CNTN2: variants seen among roughly 807,000 people sequenced by gnomAD.
CNTN2 encodes the protein contactin 2, also known as contactin-2.
In CNTN2, 53 loss-of-function variants were observed where a neutral mutation model predicts 117.5. The ratio of observed to expected loss-of-function variants is 0.45; its 90% CI spans 0.36 to 0.57. The LOEUF (loss-of-function observed/expected upper bound fraction) is 0.57, where lower values mean the gene tolerates loss of function less well. Ranked by LOEUF, CNTN2 falls within the 20% of genes least tolerant of loss-of-function variation. CNTN2 has a pLI of 0.00. For synonymous variants in CNTN2, 530 were observed against 561.7 expected (o/e 0.94, Z 0.80); for missense variants, 1,106 against 1,404.3 (o/e 0.79, Z 3.39).
In CNTN2 at chr1:205,053,268, A is replaced by G; in HGVS notation, c.70+13A>G. On this transcript the variant is annotated intron_variant, in intron 2 of 22. Transcript: ENST00000331830. ...GTCTCCTCTTCAGGTAAGAGGGCTC[A>G]TCTGGGCTTTGAAGCCTAGCAGGCA... 6.2e-7 allele frequency: 1 copy of G among 1,609,266 alleles called. No individual in the cohort carries two copies. The highest frequency in any genetic ancestry group is 1.3e-5 in the African/African-American group (1 of 74,890).
In CNTN2 at chr1:205,065,878, C is replaced by A; in HGVS notation, c.1785C>A (p.Ser595Arg). 6.3e-7 allele frequency: 1 copy of A among 1,592,654 alleles called. No homozygotes were observed. The highest frequency in any genetic ancestry group is 1.1e-5 in the South Asian group (1 of 90,226). Residue 595 changes from serine to arginine, a missense_variant, in exon 14 of 23, where the codon AGC becomes AGA. Coordinates refer to ENST00000331830, the MANE Select transcript of CNTN2 (RefSeq NM_005076.5). This position sits in a 1 kb window ranked among gnomAD's most constrained non-coding sequence, Gnocchi z 4.1. ...YTCMAQTVVD[S>R]ASKEATVLVR... The stretch of plus-strand genomic sequence containing the variant: ...GCATGGCCCAGACGGTGGTGGACAG[C>A]GCGTCCAAGGAGGCCACAGTCCTGG...
chr1:205,066,631 A>C (rs942343833), intron 15 of CNTN2, 32 bp downstream of exon 15: 1 of 1,609,940 alleles, frequency 6.2e-7, no homozygotes, highest in African/African-American at 1.3e-5. Context: ...GTCAGTGCTG[A>C]TAAGGCTCGA....
chr1:205,050,281 G>GTGTA (rs1229128389), intron 1 of CNTN2, among the ~76,000 whole-genome samples: 116 of 37,050 alleles, frequency 3.1e-3, no homozygotes, highest in African/African-American at 0.021. Context: ...AGCTCTGAGT[G>GTGTA]TGTGTGTGTG....
chr1:205,052,782 C>T (rs192091357), intron 1 of CNTN2, among the ~76,000 whole-genome samples: 1 of 152,170 alleles, frequency 6.6e-6, no homozygotes, highest in Admixed American at 6.5e-5. Context: ...AGCTGACGGG[C>T]GAGACGGCAG....
intron 16 of CNTN2, chr1:205,069,005 TTTTGTTTGTTTG>T (rs55919821): frequency 0.12 from 18,015 of 152,178 alleles, 1,852 homozygotes; most frequent in African/African-American, 0.27. Context: ...AAGTAGTTTG[TTTTGTTTGTTTG>T]TTTGTTTGTT....
At position 205,072,019 on chromosome 1, in the gene CNTN2, G is replaced by A. The variant is rs923123280; in HGVS notation, c.2617G>A (p.Ala873Thr). 2 of 1,614,142 alleles carry A rather than the reference G, an allele frequency of 1.2e-6. No individual in the cohort carries two copies. Among genetic ancestry groups the A allele is most frequent in the Non-Finnish European group, 1.7e-6 (2 of 1,180,018 alleles). The stretch of plus-strand genomic sequence containing the variant: ...GAGGACAGCAGGGCTGGACACCAGT[G>A]CCCGAGTCAGCGGCCTGCATCCCAA... ...RVRTAGLDTS[A>T]RVSGLHPNTK... The change falls in exon 20 of 23, where the codon GCC (alanine) becomes ACC (threonine). Residue 873 changes from alanine to threonine, a missense_variant. Coordinates refer to ENST00000331830, the MANE Select transcript of CNTN2 (RefSeq NM_005076.5).
At position 205,058,654 on chromosome 1, in the gene CNTN2, C is replaced by T; in HGVS notation, c.478C>T (p.His160Tyr). Residue 160 changes from histidine (H) to tyrosine (Y), a missense_variant, in exon 5 of 23, where the codon CAC becomes TAC. Transcript: ENST00000331830. This position sits in a 1 kb window ranked among gnomAD's most constrained non-coding sequence, Gnocchi z 4.3. ...GATGTTGCCCTGTAACCCACCTGCCCACTACCCAGGTGAGTCCAGACCTGG... is the reference window on the plus strand; with the variant it reads ...GATGTTGCCCTGTAACCCACCTGCCTACTACCCAGGTGAGTCCAGACCTGG... ...GVMLPCNPPA[H>Y]YPGLSYRWLL... 1 of 1,613,712 alleles carries T rather than the reference C, an allele frequency of 6.2e-7. No individual in the cohort carries two copies. Among genetic ancestry groups the T allele is most frequent in the Non-Finnish European group, 8.5e-7 (1 of 1,179,808 alleles).
intron 1 of CNTN2, among the ~76,000 whole-genome samples, chr1:205,046,369 T>A (rs1396166134): frequency 6.6e-6 from 1 of 152,172 alleles, no homozygotes; most frequent in Non-Finnish European, 1.5e-5. Flanking sequence ...CCCCAGCCCC[T>A]CACACACACC....
At chr1:205,064,855 G>A in intron 12 of CNTN2, 105 bp downstream of exon 12, 1 of 1,505,522 alleles carries the variant, frequency 6.6e-7, no homozygotes, top group Non-Finnish European at 9.0e-7. Flanking sequence ...TGGTGTCAAG[G>A]CCACCCCAGG....
At chr1:205,049,817 A>G (rs1350026543) in intron 1 of CNTN2, among the ~76,000 whole-genome samples, 2 of 152,162 alleles carry the variant, frequency 1.3e-5, no homozygotes, top group East Asian at 3.9e-4. Context: ...CCTTTGTTTA[A>G]AGGGAACTTC....
chr1:205,074,139 G>A lies in CNTN2; in HGVS notation c.*374G>A, dbSNP rs918526782. The A allele has an allele frequency of 2.0e-6, 1 of 502,478 alleles. No homozygotes were observed. The highest frequency in any genetic ancestry group is 1.9e-5 in the African/African-American group (1 of 52,992). The allele number at this position is 502,478 out of a possible 1,614,324, so 31.1% of individuals were successfully genotyped here. On this transcript the variant is annotated 3_prime_UTR_variant, in exon 23 of 23. Coordinates refer to ENST00000331830, the MANE Select transcript of CNTN2 (RefSeq NM_005076.5). Reference sequence around the variant, plus strand: ...CCTATACGGACTCCGCCACTTGAGAGCAGTCCTAGGCCCGGCAGGAACACC... The same window carrying A: ...CCTATACGGACTCCGCCACTTGAGAACAGTCCTAGGCCCGGCAGGAACACC...
chr1:205,072,322 C>T (rs112971953), intron 20 of CNTN2, 161 bp from the exon 21 acceptor site: 9 of 828,400 alleles, frequency 1.1e-5, no homozygotes, highest in South Asian at 3.5e-5. Flanking sequence ...TCACACTTCT[C>T]CAACCTTTGG....
In CNTN2 at chr1:205,062,013, G is replaced by T; in HGVS notation, c.1110+12G>T. On this transcript the variant is annotated intron_variant, in intron 9 of 22. Transcript: ENST00000331830. Reference sequence around the variant, plus strand: ...CTCTGGCCTCCCAGGTAGGAGACATGGGGCTTCCCCCGACACATCACAACT... The same window carrying T: ...CTCTGGCCTCCCAGGTAGGAGACATTGGGCTTCCCCCGACACATCACAACT... The T allele has an allele frequency of 6.2e-7, 1 of 1,612,260 alleles. No homozygotes were observed. The highest frequency in any genetic ancestry group is 1.1e-5 in the South Asian group (1 of 90,968).
chr1:205,051,756 G>T (rs187700143), intron 1 of CNTN2, among the ~76,000 whole-genome samples: 3 of 152,274 alleles, frequency 2.0e-5, no homozygotes, highest in East Asian at 3.9e-4. Flanking sequence ...GGCAGGAAAA[G>T]GTTGTGGAGT....
At position 205,059,568 on chromosome 1, in the gene CNTN2, AC is replaced by A. The variant is rs780291342; in HGVS notation, c.698-12del. 1.2e-6 allele frequency: 2 copies of A among 1,611,876 alleles called. No individual in the cohort carries two copies. The highest frequency in any genetic ancestry group is 1.7e-6 in the Non-Finnish European group (2 of 1,178,978). Reference sequence around the variant, plus strand: ...GAGTCATCTGCATCTGATTTGTAAAACCCTCTCTCCCCAGATACCCGGCTCT... The same window carrying A: ...GAGTCATCTGCATCTGATTTGTAAAACCTCTCTCCCCAGATACCCGGCTCT... On this transcript the variant is annotated splice_polypyrimidine_tract_variant and intron_variant, in intron 6 of 22. Coordinates refer to ENST00000331830, the MANE Select transcript of CNTN2 (RefSeq NM_005076.5). This position sits in a 1 kb window ranked among gnomAD's most constrained non-coding sequence, Gnocchi z 5.6.
rs1451414377 is a variant in CNTN2, at chr1:205,044,954, T to G, written c.-87+1560T>G. Among the ~76,000 whole-genome samples the G allele has an allele frequency of 2.6e-5, 4 of 152,176 alleles. No individual in the cohort carries two copies. The East Asian group carries it at 7.7e-4, about 29-fold the overall frequency. On this transcript the variant is annotated intron_variant, in intron 1 of 22. Coordinates refer to ENST00000331830, the MANE Select transcript of CNTN2 (RefSeq NM_005076.5). ...GCTGCAGAACCATGGACAGGGCTTT[T>G]GCCACAAGGTCAGAGTCCTTCCTAA...
intron 10 of CNTN2, 79 bp from the exon 11 acceptor site, chr1:205,064,243 G>A: frequency 7.5e-6 from 11 of 1,462,636 alleles, no homozygotes; most frequent in Non-Finnish European, 1.0e-5. Flanking sequence ...CTCATGGCGT[G>A]GCTTCAAAGG....
In CNTN2 at chr1:205,065,315, G is replaced by A. The variant is rs1654223747; in HGVS notation, c.1695+53G>A. The A allele has an allele frequency of 6.3e-7, 1 of 1,599,084 alleles. No homozygotes were observed. Among genetic ancestry groups the A allele is most frequent in the Non-Finnish European group, 8.5e-7 (1 of 1,170,788 alleles). ...CTTCTCCCTCCTTCTAGAGAGACAG[G>A]GGCCCCAAGATGTCCTTAGCCATCC... is the stretch of plus-strand genomic sequence containing the variant. On this transcript the variant is annotated intron_variant, in intron 13 of 22. Coordinates refer to ENST00000331830, the MANE Select transcript of CNTN2 (RefSeq NM_005076.5). The surrounding 1 kb of genome is among the most constrained non-coding windows in gnomAD (Gnocchi z 4.1).
rs1654876623 is a variant in CNTN2, at chr1:205,076,613, C to T, written c.*2848C>T. ...CCACAGCTTAGTGGCCAGTAAACACCCTGGGGACTAGGAAAAGGAACCAAC... is the reference window on the plus strand; with the variant it reads ...CCACAGCTTAGTGGCCAGTAAACACTCTGGGGACTAGGAAAAGGAACCAAC... On this transcript the variant is annotated 3_prime_UTR_variant, in exon 23 of 23. Transcript: ENST00000331830. 1 of 152,148 alleles carries T rather than the reference C, an allele frequency of 6.6e-6. No individual in the cohort carries two copies. The highest frequency in any genetic ancestry group is 2.1e-4 in the South Asian group (1 of 4,818). The allele number at this position is 152,148 out of a possible 1,614,324, so 9.4% of individuals were successfully genotyped here. A position where few individuals can be genotyped will look rare whatever the true frequency, so the allele number is the denominator to read the frequency against.
Sources: allele counts gnomAD v4.1 joint callset (sites outside exome capture counted in the v4.1 genomes callset), GRCh38; gene constraint gnomAD v4.1.1; non-coding constraint Gnocchi (gnomAD v3.1); transcripts MANE v1.5; gene names NCBI Gene and HGNC (gene_info 2026-07-23, HGNC 2026-07-21).